The following NEK1 variants were observed in gnomAD, a reference collection of about 807,000 sequenced individuals.
NEK1 encodes NIMA related kinase 1.
Under a neutral mutation model 182.1 loss-of-function variants are expected in NEK1, and 137 were observed. The ratio of observed to expected loss-of-function variants is 0.75; its 90% confidence interval spans 0.65 to 0.87. NEK1 has a LOEUF of 0.87. Ranked by LOEUF, NEK1 falls within the 40% of genes least tolerant of loss-of-function variation. NEK1 has a pLI of 0.00. For missense variants in NEK1, 1,391 were observed against 1,494.4 expected (o/e 0.93, Z 1.14); for synonymous variants, 513 against 492.2 (o/e 1.04, Z -0.56).
rs545406332 is a variant in NEK1 at position 169,406,863 on chromosome 4, A to G, written c.3223-116T>C. 28 of 674,194 alleles carry G rather than the reference A, an allele frequency of 4.2e-5. No individual in the cohort carries two copies. The African/African-American group carries it at 4.9e-4, about 12-fold the overall frequency. 41.8% of individuals were successfully genotyped at this position (674,194 alleles called of 1,614,324 possible). A position where few individuals can be genotyped will look rare whatever the true frequency, so the allele number is the denominator to read the frequency against. On this transcript the variant is annotated intron_variant, in intron 31 of 35. Coordinates refer to ENST00000507142, the MANE Select transcript of NEK1 (RefSeq NM_001199397.3). ...CATATGTGTAAAATGTAACATATAAAAAGTTTTTTTATATATGTAACATAT... is the reference window on the plus strand; with the variant it reads ...CATATGTGTAAAATGTAACATATAAGAAGTTTTTTTATATATGTAACATAT...
chr4:169,397,342 T>G (rs1730903318), intron 35 of NEK1, among the ~76,000 whole-genome samples: 1 of 152,218 alleles, frequency 6.6e-6, no homozygotes, highest in African/African-American at 2.4e-5. Flanking sequence ...TCAATGAATA[T>G]GAAATCTATA....
At chr4:169,462,858 C>T (rs1744223201) in intron 27 of NEK1, among the ~76,000 whole-genome samples, 1 of 152,132 alleles carries the variant, frequency 6.6e-6, no homozygotes, top group African/African-American at 2.4e-5. Flanking sequence ...TTCCCCAGTC[C>T]TAGAATTAAT....
intron 31 of NEK1, among the ~76,000 whole-genome samples, chr4:169,408,336 G>C (rs1732994822): frequency 6.6e-6 from 1 of 152,070 alleles, no homozygotes; most frequent in African/African-American, 2.4e-5. Flanking sequence ...CTATCAACTG[G>C]ATAAGCCCTT....
intron 12 of NEK1, among the ~76,000 whole-genome samples, chr4:169,574,368 G>A (rs1432136404): frequency 6.6e-6 from 1 of 152,108 alleles, no homozygotes; most frequent in African/African-American, 2.4e-5. Flanking sequence ...GGCCAAGGCG[G>A]GCGGATCATG....
intron 2 of NEK1, among the ~76,000 whole-genome samples, chr4:169,608,116 T>TACACACACACACACACAC (rs57287742): frequency 6.8e-6 from 1 of 147,998 alleles, no homozygotes; most frequent in African/African-American, 2.5e-5. Flanking sequence ...CACACACACA[T>TACACACACACACACACAC]ACACACACAC....
Position 169,590,711 on chromosome 4 carries a change from G to A in NEK1, c.396+15C>T. The A allele has an allele frequency of 6.4e-7, 1 of 1,554,626 alleles. No individual in the cohort carries two copies. Among genetic ancestry groups the A allele is most frequent in the Non-Finnish European group, 8.8e-7 (1 of 1,141,404 alleles). ...CTTTATCCATTCAGAAGTTATCAGT[G>A]ACAGAATAACATACCTGAGATTTAA... On this transcript the variant is annotated intron_variant, in intron 6 of 35. Coordinates refer to ENST00000507142, the MANE Select transcript of NEK1 (RefSeq NM_001199397.3).
At chr4:169,574,645 A>G (rs1426367494) in intron 12 of NEK1, among the ~76,000 whole-genome samples, 1 of 151,562 alleles carries the variant, frequency 6.6e-6, no homozygotes, top group African/African-American at 2.4e-5. Context: ...GTGTCTACAG[A>G]TGATCCTAAC....
At chr4:169,419,546 T>C (rs894941671) in intron 31 of NEK1, among the ~76,000 whole-genome samples, 1 of 152,212 alleles carries the variant, frequency 6.6e-6, no homozygotes, top group Non-Finnish European at 1.5e-5. Context: ...TAAAAATGTA[T>C]TGTGGAATTT....
Position 169,532,870 on chromosome 4 carries a change from C to T in NEK1, c.1665+4939G>A, listed in dbSNP as rs116030508. ...GGGAGGCTGAGGTGGAAGAATCAAC[C>T]GAGATTGTGCCACTGCACTCCAGTC... On this transcript the variant is annotated intron_variant, in intron 19 of 35. Transcript: ENST00000507142. Among the ~76,000 whole-genome samples, 1,204 of 151,560 alleles carry T rather than the reference C, an allele frequency of 7.9e-3. 19 individuals are homozygous for T. The highest frequency in any genetic ancestry group is 0.028 in the African/African-American group (1,152 of 41,312).
chr4:169,602,224 G>A, intron 3 of NEK1, 120 bp from the exon 4 acceptor site: 3 of 709,804 alleles, frequency 4.2e-6, no homozygotes, highest in East Asian at 2.6e-5. Flanking sequence ...ACAAAATATA[G>A]CAAGAAGTTA....
At chr4:169,505,891 T>C (rs1205416854) in intron 23 of NEK1, among the ~76,000 whole-genome samples, 1 of 152,016 alleles carries the variant, frequency 6.6e-6, no homozygotes, top group African/African-American at 2.4e-5. Flanking sequence ...TTATAAACTA[T>C]CTAGAAATAA....
chr4:169,536,853 T>G (rs1758586968), intron 19 of NEK1, among the ~76,000 whole-genome samples: 1 of 152,168 alleles, frequency 6.6e-6, no homozygotes, highest in African/African-American at 2.4e-5. Flanking sequence ...ATCTACTATC[T>G]AGAGGAAAGA....
At chr4:169,600,487 C>A (rs1023876747) in intron 4 of NEK1, among the ~76,000 whole-genome samples, 1 of 152,072 alleles carries the variant, frequency 6.6e-6, no homozygotes, top group African/African-American at 2.4e-5. Context: ...TGTGAGCCAC[C>A]GCATCCAGCC....
intron 27 of NEK1, among the ~76,000 whole-genome samples, chr4:169,440,445 T>C (rs777808070): frequency 6.6e-6 from 1 of 152,152 alleles, no homozygotes; most frequent in Non-Finnish European, 1.5e-5. Flanking sequence ...ACTATTATAT[T>C]AATTGATTTG....
intron 23 of NEK1, among the ~76,000 whole-genome samples, chr4:169,500,159 A>G (rs924827211): frequency 6.6e-6 from 1 of 152,214 alleles, no homozygotes; most frequent in African/African-American, 2.4e-5. Flanking sequence ...CTGCTGTGCT[A>G]GCAATGAGCG....
chr4:169,429,232 G>A (rs1286149835), intron 29 of NEK1, among the ~76,000 whole-genome samples: 2 of 152,088 alleles, frequency 1.3e-5, no homozygotes, highest in African/African-American at 4.8e-5. Flanking sequence ...CAGAAACACA[G>A]CAGTATTTTT....
intron 23 of NEK1, among the ~76,000 whole-genome samples, chr4:169,498,771 T>A (rs1240007228): frequency 6.6e-6 from 1 of 152,224 alleles, no homozygotes; most frequent in African/African-American, 2.4e-5. Context: ...TGCCTAGAGA[T>A]CAGCTGTTAG....
intron 30 of NEK1, among the ~76,000 whole-genome samples, chr4:169,425,413 C>A (rs1301536547): frequency 6.7e-6 from 1 of 150,048 alleles, no homozygotes; most frequent in Non-Finnish European, 1.5e-5. Context: ...CAGAGTGAGA[C>A]CCTGTCTCTC....
intron 32 of NEK1, among the ~76,000 whole-genome samples, chr4:169,405,555 G>C (rs1051247967): frequency 3.9e-5 from 6 of 152,170 alleles, no homozygotes; most frequent in Non-Finnish European, 7.4e-5. Context: ...AGCTATTTGG[G>C]AGAGTGAAGT....
Sources: allele counts gnomAD v4.1 joint callset (sites outside exome capture counted in the v4.1 genomes callset), GRCh38; gene constraint gnomAD v4.1.1; transcripts MANE v1.5; gene names NCBI Gene and HGNC (gene_info 2026-07-23, HGNC 2026-07-21).